Variants in MTA3 observed in about 807,000 individuals in gnomAD.
MTA3 encodes the protein metastasis-associated protein MTA3.
In MTA3, 34 loss-of-function variants were observed where a neutral mutation model predicts 83.5. The ratio of observed to expected loss-of-function variants is 0.41; its 90% CI spans 0.31 to 0.54. The LOEUF (loss-of-function observed/expected upper bound fraction) is 0.54. Among genes scored for constraint, MTA3 ranks in the 20% least tolerant of loss-of-function variants. The pLI, the probability that MTA3 is intolerant of heterozygous loss-of-function variation, is 0.33. For missense variants in MTA3, 761 were observed against 726.4 expected, an observed-to-expected ratio of 1.05 and a Z score of -0.55; for synonymous variants, 303 against 252.7, an observed-to-expected ratio of 1.20 and a Z score of -1.89.
At chr2:42,628,500 G>C (rs980662621) in intron 4 of MTA3, among the ~76,000 whole-genome samples, 10 of 152,044 alleles carry the variant, frequency 6.6e-5, no homozygotes, top group Admixed American at 5.2e-4. Flanking sequence ...TCCCAAAGTG[G>C]TGGGATTACA....
intron 16 of MTA3, among the ~76,000 whole-genome samples, chr2:42,750,774 C>T (rs1669813957): frequency 6.6e-6 from 1 of 152,158 alleles, no homozygotes; most frequent in Admixed American, 6.5e-5. Flanking sequence ...CTCGTGTCCC[C>T]TAGGCCTGAA....
At chr2:42,688,172 G>T (rs1692558836) in intron 9 of MTA3, among the ~76,000 whole-genome samples, 1 of 152,186 alleles carries the variant, frequency 6.6e-6, no homozygotes, top group African/African-American at 2.4e-5. Context: ...CTGGGCCCAG[G>T]TGATCCTCCT....
chr2:42,559,494 C>G (rs1041031337), intron 2 of MTA3, among the ~76,000 whole-genome samples: 1 of 148,426 alleles, frequency 6.7e-6, no homozygotes, highest in Non-Finnish European at 1.5e-5. Flanking sequence ...AGAGCGAGAC[C>G]TTGTCTCAAA....
At chr2:42,646,402 C>G (rs778410369) in intron 6 of MTA3, among the ~76,000 whole-genome samples, 2 of 152,058 alleles carry the variant, frequency 1.3e-5, no homozygotes, top group African/African-American at 2.4e-5. Context: ...ATAATGATTC[C>G]TCTGATGGAT....
rs983264205 is a variant in MTA3 at position 42,708,031 on chromosome 2, T to G, written c.1279T>G (p.Leu427Val). ...GCCCACCCAGTCAGAAGAAGAGAAG[T>G]TATCTCCTAGCCCAACTACAGAGGT... Reference protein sequence around the residue: ...KMPTQSEEEKLSPSPTTEDPR... With the variant: ...KMPTQSEEEKVSPSPTTEDPR... Residue 427 changes from leucine to valine, a missense_variant, in exon 13 of 17, where the codon TTA becomes GTA. Transcript: ENST00000405094. 5 of 1,611,052 alleles carry G rather than the reference T, an allele frequency of 3.1e-6. No homozygotes were observed. Among genetic ancestry groups the G allele is most frequent in the Admixed American group, 3.4e-5 (2 of 59,174 alleles).
intron 2 of MTA3, among the ~76,000 whole-genome samples, chr2:42,562,206 C>A (rs1232875615): frequency 6.6e-6 from 1 of 152,160 alleles, no homozygotes; most frequent in Non-Finnish European, 1.5e-5. Flanking sequence ...AGGATAATCT[C>A]ATCTTGAGAT....
chr2:42,724,745 G>A (rs1252575583), intron 16 of MTA3, among the ~76,000 whole-genome samples: 2 of 152,164 alleles, frequency 1.3e-5, no homozygotes, highest in Admixed American at 1.3e-4. Context: ...CCCAGTCCTG[G>A]CCTGCAATAC....
chr2:42,609,820 C>T (rs1683963222), intron 4 of MTA3, among the ~76,000 whole-genome samples: 1 of 152,080 alleles, frequency 6.6e-6, no homozygotes, highest in African/African-American at 2.4e-5. Flanking sequence ...CTTTCCTGGC[C>T]AGGCGCAGTG....
chr2:42,529,058 T>C (rs1238322287), intron 2 of MTA3, among the ~76,000 whole-genome samples: 2 of 152,176 alleles, frequency 1.3e-5, no homozygotes, highest in East Asian at 3.8e-4. Flanking sequence ...AAAGAAACCT[T>C]TAGGCAGAAC....
intron 8 of MTA3, among the ~76,000 whole-genome samples, chr2:42,664,065 G>A (rs1244057451): frequency 1.3e-5 from 2 of 152,116 alleles, no homozygotes; most frequent in African/African-American, 4.8e-5. Flanking sequence ...TCTCTCCTCT[G>A]TCAGATTACC....
At chr2:42,623,446 G>A (rs1379547067) in intron 4 of MTA3, among the ~76,000 whole-genome samples, 1 of 152,170 alleles carries the variant, frequency 6.6e-6, no homozygotes, top group Non-Finnish European at 1.5e-5. Context: ...ATGTCACGCC[G>A]CTGTCTTTGG....
intron 2 of MTA3, among the ~76,000 whole-genome samples, chr2:42,516,453 T>C (rs1194282390): frequency 6.6e-6 from 1 of 152,226 alleles, no homozygotes; most frequent in Admixed American, 6.5e-5. Flanking sequence ...CTCACTTCCA[T>C]AGGTGTCCAG....
chr2:42,739,709 T>C (rs1668883281), intron 16 of MTA3, among the ~76,000 whole-genome samples: 1 of 152,236 alleles, frequency 6.6e-6, no homozygotes, highest in African/African-American at 2.4e-5. Flanking sequence ...CTTTCAAAAT[T>C]AGAGTCAATC....
chr2:42,708,823 T>C lies in MTA3; in HGVS notation c.1303-51T>C. The C allele has an allele frequency of 8.8e-6, 14 of 1,592,604 alleles. No homozygotes were observed. The South Asian group carries it at 1.5e-4, about 17-fold the overall frequency. ...TTTGAGCATGATGCAAACAGTAACG[T>C]GTTTGGGCAAGTTCACTTCCTTGAG... On this transcript the variant is annotated intron_variant, in intron 13 of 16. Transcript: ENST00000405094.
chr2:42,565,528 A>G (rs1677872254), upstream of MTA3, among the ~76,000 whole-genome samples: 6 of 152,038 alleles, frequency 3.9e-5, no homozygotes, highest in South Asian at 1.2e-3. Flanking sequence ...ACTACCTTGT[A>G]TGTGGTTCTT....
intron 2 of MTA3, among the ~76,000 whole-genome samples, chr2:42,555,331 T>G (rs1374144903): frequency 6.6e-6 from 1 of 150,498 alleles, no homozygotes; most frequent in Non-Finnish European, 1.5e-5. Flanking sequence ...GGTGCATGCC[T>G]GTAATCCCAG....
At chr2:42,564,081 A>G (rs1045084760), upstream of MTA3, among the ~76,000 whole-genome samples, 4 of 152,116 alleles carry the variant, frequency 2.6e-5, no homozygotes, top group African/African-American at 9.7e-5. Context: ...TTTGCCTCCC[A>G]AAGTGCTGGG....
At chr2:42,512,021 A>AAAT (rs1558405826) in intron 2 of MTA3, among the ~76,000 whole-genome samples, 19 of 151,682 alleles carry the variant, frequency 1.3e-4, no homozygotes, top group Non-Finnish European at 2.1e-4. Context: ...CATCTCAAAA[A>AAAT]AAATAAATAA....
chr2:42,723,664 A>C (rs895074462), intron 16 of MTA3, among the ~76,000 whole-genome samples: 3 of 152,226 alleles, frequency 2.0e-5, no homozygotes, highest in African/African-American at 7.2e-5. Flanking sequence ...GACTATAAAC[A>C]CAACCATAAT....
Sources: allele counts gnomAD v4.1 joint callset (sites outside exome capture counted in the v4.1 genomes callset), GRCh38; gene constraint gnomAD v4.1.1; transcripts MANE v1.5; gene names NCBI Gene and HGNC (gene_info 2026-07-23, HGNC 2026-07-21).